The following ABCB11 variants were observed in gnomAD, a reference collection of about 807,000 sequenced individuals.
ABCB11 encodes ATP binding cassette subfamily B member 11, also known as bile salt export pump.
Under a neutral mutation model 148.0 loss-of-function variants are expected in ABCB11, and 95 were observed. The observed-to-expected ratio is 0.64, with a 90% CI of 0.54 to 0.76. The LOEUF (loss-of-function observed/expected upper bound fraction) is 0.76. Among genes scored for constraint, ABCB11 ranks in the 30% least tolerant of loss-of-function variants. ABCB11 has a pLI of 0.00. For synonymous variants in ABCB11, 591 were observed against 555.4 expected, an observed-to-expected ratio of 1.06 and a Z score of -0.90; for missense variants, 1,523 against 1,617.8, an observed-to-expected ratio of 0.94 and a Z score of 1.01.
chr2:168,974,896 A>C (rs1693748348), intron 12 of ABCB11, among the ~76,000 whole-genome samples: 1 of 150,322 alleles, frequency 6.7e-6, no homozygotes, highest in Non-Finnish European at 1.5e-5. Context: ...GATAATAAAA[A>C]TATACTTTAT....
At chr2:169,014,413 C>T in intron 3 of ABCB11, 59 bp from the exon 4 acceptor site, 1 of 1,496,624 alleles carries the variant, frequency 6.7e-7, no homozygotes. Flanking sequence ...GGGAAATTCT[C>T]CCTAGGTGGT....
At chr2:169,008,029 A>T (rs1036373202) in intron 5 of ABCB11, among the ~76,000 whole-genome samples, 7 of 152,172 alleles carry the variant, frequency 4.6e-5, no homozygotes, top group African/African-American at 9.7e-5. Flanking sequence ...TATTTTTCTG[A>T]AGAAGATGTG....
intron 19 of ABCB11, among the ~76,000 whole-genome samples, chr2:168,952,072 C>A (rs1388649795): frequency 6.6e-6 from 1 of 151,620 alleles, no homozygotes; most frequent in Non-Finnish European, 1.5e-5. Context: ...TCCTTGCATG[C>A]CTTGTATAAA....
At chr2:168,944,566 T>C (rs1017527585) in intron 21 of ABCB11, 39 bp downstream of exon 21, 6 of 1,538,712 alleles carry the variant, frequency 3.9e-6, no homozygotes, top group Non-Finnish European at 4.4e-6. Flanking sequence ...AGAATGCCAA[T>C]GCAGTTAATA....
At position 168,930,703 on chromosome 2, in the gene ABCB11, G is replaced by A. The variant is rs1691529737; in HGVS notation, c.3373C>T (p.Leu1125=). The part of the protein sequence containing the change: ...SGCGKSTSIQ[L]LERFYDPDQG... ...TCAGGATCATAGAAACGTTCCAACA[G>A]CTGAATGCTAGTGCTTTTGCCACAT... Residue 1125 remains leucine (L), a synonymous_variant, in exon 25 of 28, where the codon CTG becomes TTG. Transcript: ENST00000650372. 1 of 1,583,736 alleles carries A rather than the reference G, an allele frequency of 6.3e-7. No homozygotes were observed. The highest frequency in any genetic ancestry group is 8.6e-7 in the Non-Finnish European group (1 of 1,159,546).
chr2:169,029,114 C>T (rs934875118), intron 1 of ABCB11, among the ~76,000 whole-genome samples: 10 of 152,026 alleles, frequency 6.6e-5, no homozygotes, highest in Non-Finnish European at 2.9e-5. Context: ...GTGAGGGTCC[C>T]TCCACGGCTT....
At chr2:168,941,680 A>G (rs1348837741) in intron 21 of ABCB11, among the ~76,000 whole-genome samples, 2 of 152,098 alleles carry the variant, frequency 1.3e-5, no homozygotes, top group African/African-American at 4.8e-5. Context: ...TACTGTGGGT[A>G]AAATACTATC....
intron 25 of ABCB11, 87 bp downstream of exon 25, chr2:168,930,576 GTC>G: frequency 8.8e-7 from 1 of 1,139,908 alleles, no homozygotes; most frequent in Non-Finnish European, 1.2e-6. Flanking sequence ...TTTAAAGTGA[GTC>G]TGGCAAAGCA....
At chr2:168,974,345 T>C (rs1443469086) in intron 12 of ABCB11, among the ~76,000 whole-genome samples, 1 of 152,048 alleles carries the variant, frequency 6.6e-6, no homozygotes, top group African/African-American at 2.4e-5. Flanking sequence ...TTAATAAATA[T>C]ACACGGTGTG....
rs12614405 is a variant in ABCB11 at position 169,023,428 on chromosome 2, G to A, written c.-27-5276C>T. ...GCACAAGTTAGTAAGTGATACAGCC[G>A]AGATTGAAACTCAGAAAATGCATGC... is the stretch of plus-strand genomic sequence containing the variant. On this transcript the variant is annotated intron_variant, in intron 1 of 27. Transcript: ENST00000650372. Among the ~76,000 whole-genome samples the A allele has an allele frequency of 0.015, 2,307 of 152,252 alleles. 247 individuals are homozygous for A. The East Asian group carries it at 0.29, about 19-fold the overall frequency.
chr2:168,924,553 T>A, intron 27 of ABCB11, 104 bp downstream of exon 27: 1 of 1,188,152 alleles, frequency 8.4e-7, no homozygotes, highest in Non-Finnish European at 1.2e-6. Flanking sequence ...ATTTCTACTG[T>A]TAACGAATCA....
intron 1 of ABCB11, 70 bp from the exon 2 acceptor site, chr2:169,018,222 C>G (rs897932828): frequency 7.2e-7 from 1 of 1,389,812 alleles, no homozygotes; most frequent in Non-Finnish European, 1.0e-6. Flanking sequence ...AGTAGCCAAA[C>G]GAAAGAACAA....
At chr2:168,917,102 G>T (rs1014891330), downstream of ABCB11, among the ~76,000 whole-genome samples, 1 of 151,972 alleles carries the variant, frequency 6.6e-6, no homozygotes, top group Non-Finnish European at 1.5e-5. Flanking sequence ...TTATAGGCAC[G>T]GGGGCAGCAC....
intron 1 of ABCB11, among the ~76,000 whole-genome samples, chr2:169,024,145 G>C (rs1373347027): frequency 6.6e-6 from 1 of 152,008 alleles, no homozygotes; most frequent in South Asian, 2.1e-4. Flanking sequence ...CATGGCACAC[G>C]TTTACCTATG....
rs754763647 is a variant in ABCB11, at chr2:169,013,331, G to A, written c.330C>T (p.Asn110=). The change falls in exon 5 of 28, where the codon AAC becomes AAT. Residue 110 remains asparagine, a synonymous_variant. Transcript: ENST00000650372. ...LQIPGKACVN[N]TIVWTNSSLN... Reference sequence around the variant, plus strand: ...GGGAACTGTTAGTCCATACAATGGTGTTATTCACACATGCTTTTCCTGGAA... The same window carrying A: ...GGGAACTGTTAGTCCATACAATGGTATTATTCACACATGCTTTTCCTGGAA... 20 of 1,613,670 alleles carry A rather than the reference G, an allele frequency of 1.2e-5. No homozygotes were observed. Among genetic ancestry groups the A allele is most frequent in the African/African-American group, 2.7e-5 (2 of 74,908 alleles).
intron 8 of ABCB11, among the ~76,000 whole-genome samples, chr2:168,992,007 A>T (rs74750354): frequency 1.3e-5 from 2 of 150,134 alleles, no homozygotes; most frequent in East Asian, 1.9e-4. Context: ...CTGGCTATTT[A>T]AAAAAAATTT....
intron 19 of ABCB11, among the ~76,000 whole-genome samples, chr2:168,954,091 T>G (rs1692682426): frequency 6.6e-6 from 1 of 151,608 alleles, no homozygotes; most frequent in East Asian, 2.0e-4. Context: ...AAAATAAACT[T>G]TCTAAATTAA....
intron 1 of ABCB11, among the ~76,000 whole-genome samples, chr2:169,030,099 T>G (rs1010109382): frequency 6.6e-6 from 1 of 152,202 alleles, no homozygotes; most frequent in African/African-American, 2.4e-5. Context: ...GCAATGAAAC[T>G]TGGGCATTTT....
At chr2:168,959,068 A>G (rs996465207) in intron 18 of ABCB11, among the ~76,000 whole-genome samples, 2 of 151,732 alleles carry the variant, frequency 1.3e-5, no homozygotes, top group South Asian at 2.1e-4. Context: ...AGGGAGCAGG[A>G]TGGCAGGGAT....
Sources: allele counts gnomAD v4.1 joint callset (sites outside exome capture counted in the v4.1 genomes callset), GRCh38; gene constraint gnomAD v4.1.1; transcripts MANE v1.5; gene names NCBI Gene and HGNC (gene_info 2026-07-23, HGNC 2026-07-21).